The following NAALADL2 variants were observed in gnomAD, a reference collection of about 807,000 sequenced individuals.
The protein encoded by NAALADL2 is inactive N-acetylated-alpha-linked acidic dipeptidase-like protein 2.
A neutral mutation model predicts 87.2 loss-of-function variants in NAALADL2; 76 were observed. That is an observed-to-expected ratio of 0.87 (90% confidence interval 0.72 to 1.05). NAALADL2 has a LOEUF of 1.05. Ranked by LOEUF, NAALADL2 falls within the 50% of genes least tolerant of loss-of-function variation. The pLI is 0.00. For synonymous variants in NAALADL2, 354 were observed against 331.0 expected, an observed-to-expected ratio of 1.07 and a Z score of -0.75; for missense variants, 1,089 against 945.8, an observed-to-expected ratio of 1.15 and a Z score of -1.99.
chr3:175,623,286 TTG>T (rs1726494416), intron 10 of NAALADL2, among the ~76,000 whole-genome samples: 1 of 65,140 alleles, frequency 1.5e-5, no homozygotes, highest in Non-Finnish European at 3.9e-5. Flanking sequence ...CAGCTTTTAT[TTG>T]TGCCTTACCT....
At chr3:175,151,409 G>A (rs1731523451) in intron 2 of NAALADL2, among the ~76,000 whole-genome samples, 1 of 152,164 alleles carries the variant, frequency 6.6e-6, no homozygotes, top group South Asian at 2.1e-4. Flanking sequence ...AGTTCTGGCT[G>A]ATATACTGGT....
At chr3:175,654,479 C>G (rs1731188097) in intron 11 of NAALADL2, among the ~76,000 whole-genome samples, 1 of 152,162 alleles carries the variant, frequency 6.6e-6, no homozygotes, top group African/African-American at 2.4e-5. Context: ...CTTTAAACTT[C>G]TTTTTGCTTT....
At chr3:174,998,229 T>C (rs61659714) in intron 1 of NAALADL2, among the ~76,000 whole-genome samples, 42,300 of 152,136 alleles carry the variant, frequency 0.28, 7,280 homozygotes, top group African/African-American at 0.48. Flanking sequence ...AAGGATACCC[T>C]ATTATAATCT....
At chr3:175,287,276 T>C (rs1215964140) in intron 4 of NAALADL2, among the ~76,000 whole-genome samples, 6 of 152,194 alleles carry the variant, frequency 3.9e-5, no homozygotes, top group Non-Finnish European at 7.3e-5. Flanking sequence ...CTTGAATTTT[T>C]ATTTTAAAAA....
chr3:175,293,993 A>G (rs559393303), intron 4 of NAALADL2, among the ~76,000 whole-genome samples: 1 of 152,200 alleles, frequency 6.6e-6, no homozygotes, highest in African/African-American at 2.4e-5. Flanking sequence ...GCAAAGCCAC[A>G]CAGTGCCAAG....
At chr3:175,132,558 G>T (rs1728253811) in intron 2 of NAALADL2, among the ~76,000 whole-genome samples, 1 of 96,318 alleles carries the variant, frequency 1.0e-5, no homozygotes, top group Non-Finnish European at 2.1e-5. Context: ...CCGGGCGGGG[G>T]GGCTGACCCC....
chr3:174,803,072 T>A (rs975698824), intron 3 of NAALADL2, among the ~76,000 whole-genome samples: 1 of 152,180 alleles, frequency 6.6e-6, no homozygotes, highest in Non-Finnish European at 1.5e-5. Context: ...CCACAATGGT[T>A]GAACTACTTT....
chr3:175,734,462 C>T (rs371374704), intron 11 of NAALADL2, among the ~76,000 whole-genome samples: 141 of 152,108 alleles, frequency 9.3e-4, no homozygotes, highest in African/African-American at 3.2e-3. Context: ...GAGGGTGAGG[C>T]AGGAGAATGG....
rs137901919 is a variant in NAALADL2, at chr3:174,993,847, A to G, written c.44-102943A>G. ...CAGGTCCATGCTCTTTGAAGACTCT[A>G]GGGAAGACTTCCATGCCTTTCTCTT... On this transcript the variant is annotated intron_variant, in intron 1 of 13. Coordinates refer to ENST00000454872, the MANE Select transcript of NAALADL2 (RefSeq NM_207015.3). Among the ~76,000 whole-genome samples the G allele has an allele frequency of 4.6e-5, 7 of 152,304 alleles. No homozygotes were observed. In the East Asian group the frequency reaches 1.4e-3, roughly 29 times the overall value.
chr3:175,489,212 T>C (rs1356869244), intron 9 of NAALADL2, among the ~76,000 whole-genome samples: 1 of 152,138 alleles, frequency 6.6e-6, no homozygotes, highest in Non-Finnish European at 1.5e-5. Flanking sequence ...AATTAAGTAA[T>C]ACTATTATAT....
intron 2 of NAALADL2, among the ~76,000 whole-genome samples, chr3:175,225,723 AG>A (rs1744059347): frequency 2.0e-5 from 3 of 152,052 alleles, no homozygotes; most frequent in Non-Finnish European, 4.4e-5. Context: ...TTTTATCAAA[AG>A]TTTCTGTGTA....
chr3:175,589,899 G>A (rs1310205674), intron 10 of NAALADL2, among the ~76,000 whole-genome samples: 1 of 151,780 alleles, frequency 6.6e-6, no homozygotes, highest in Non-Finnish European at 1.5e-5. Context: ...TGCCAAAAAT[G>A]TGCCTTTAAA....
At chr3:175,184,344 G>A (rs1481920767) in intron 2 of NAALADL2, among the ~76,000 whole-genome samples, 1 of 151,994 alleles carries the variant, frequency 6.6e-6, no homozygotes, top group African/African-American at 2.4e-5. Flanking sequence ...ATAAGATAGG[G>A]ATATTACAAC....
chr3:175,063,321 G>A (rs73038483), intron 1 of NAALADL2, among the ~76,000 whole-genome samples: 4,253 of 152,140 alleles, frequency 0.028, 179 homozygotes, highest in African/African-American at 0.098. Flanking sequence ...GTATGTAGTT[G>A]CTTAATATAG....
At chr3:174,628,830 T>C (rs1721843837) in intron 2 of NAALADL2, among the ~76,000 whole-genome samples, 1 of 152,206 alleles carries the variant, frequency 6.6e-6, no homozygotes, top group East Asian at 1.9e-4. Flanking sequence ...GTCAGATTAA[T>C]TTTTCAGCCC....
At chr3:175,080,079 C>T (rs912090381) in intron 1 of NAALADL2, among the ~76,000 whole-genome samples, 5 of 151,908 alleles carry the variant, frequency 3.3e-5, no homozygotes, top group African/African-American at 1.2e-4. Context: ...CATTCTCCTG[C>T]CTCAGCCTCC....
chr3:174,994,988 A>G (rs1747235947), intron 1 of NAALADL2, among the ~76,000 whole-genome samples: 1 of 152,146 alleles, frequency 6.6e-6, no homozygotes, highest in Non-Finnish European at 1.5e-5. Flanking sequence ...TGGAAAGATC[A>G]TTGTGAATGG....
At chr3:174,885,829 C>T (rs374779156) in intron 1 of NAALADL2, among the ~76,000 whole-genome samples, 21 of 124,818 alleles carry the variant, frequency 1.7e-4, no homozygotes, top group African/African-American at 6.3e-4. Flanking sequence ...ATCACAAGTT[C>T]CCACAATAGG....
chr3:174,947,600 T>G (rs1181711770), intron 1 of NAALADL2, among the ~76,000 whole-genome samples: 2 of 152,150 alleles, frequency 1.3e-5, no homozygotes, highest in Non-Finnish European at 1.5e-5. Flanking sequence ...TAATAGTTCT[T>G]CTTTATAAAT....
Sources: allele counts gnomAD v4.1 joint callset (sites outside exome capture counted in the v4.1 genomes callset), GRCh38; gene constraint gnomAD v4.1.1; transcripts MANE v1.5; gene names NCBI Gene and HGNC (gene_info 2026-07-23, HGNC 2026-07-21).